Variants in KDM5A observed in about 807,000 individuals in gnomAD.
KDM5A encodes lysine demethylase 5A.
In KDM5A, 42 loss-of-function variants were observed where a neutral mutation model predicts 193.5. The observed-to-expected ratio is 0.22, with a 90% CI of 0.17 to 0.28. KDM5A has a LOEUF of 0.28. Among genes scored for constraint, KDM5A ranks in the 10% least tolerant of loss-of-function variants. The pLI is 1.00. For missense variants in KDM5A, 1,692 were observed against 2,055.1 expected (o/e 0.82, Z 3.42); for synonymous variants, 796 against 718.1 (o/e 1.11, Z -1.73).
chr12:300,902 C>G (rs1943433482), intron 24 of KDM5A, among the ~76,000 whole-genome samples: 1 of 152,222 alleles, frequency 6.6e-6, no homozygotes, highest in African/African-American at 2.4e-5. Flanking sequence ...CTATAAACAT[C>G]TCTACCCAAA....
chr12:328,724 G>A, intron 14 of KDM5A, 111 bp downstream of exon 14: 1 of 885,468 alleles, frequency 1.1e-6, no homozygotes, highest in Non-Finnish European at 1.8e-6. Flanking sequence ...CCAAATCAGT[G>A]ATCTTTATGC....
chr12:388,925 A>G lies in KDM5A; in HGVS notation c.165+2T>C, dbSNP rs1591947357. Reference sequence around the variant, plus strand: ...CCCCTCTCTCTTCACAGACTGAGGTACCTTGGGCGGCCGAATTTTGCAGAT... The same window carrying G: ...CCCCTCTCTCTTCACAGACTGAGGTGCCTTGGGCGGCCGAATTTTGCAGAT... On this transcript the variant is annotated splice_donor_variant, in intron 1 of 27. Transcript: ENST00000399788. LOFTEE classifies it high-confidence loss of function. 1 of 1,614,206 alleles carries G rather than the reference A, an allele frequency of 6.2e-7. No homozygotes were observed. Among genetic ancestry groups the G allele is most frequent in the Non-Finnish European group, 8.5e-7 (1 of 1,180,024 alleles).
chr12:307,629 C>CGT lies in KDM5A; in HGVS notation c.3753_3754dup (p.Arg1252HisfsTer4). ...CGCTCTATCTTGCCAACTCATAGCACGTTCTGTCAAACACTGCAGGGCCTC... is the reference window on the plus strand; with the variant it reads ...CGCTCTATCTTGCCAACTCATAGCACGTGTTCTGTCAAACACTGCAGGGCCTC... On this transcript the variant is annotated frameshift_variant, in exon 23 of 28. Coordinates refer to ENST00000399788, the MANE Select transcript of KDM5A (RefSeq NM_001042603.3). LOFTEE classifies it high-confidence loss of function. The surrounding 1 kb of genome is among the most constrained non-coding windows in gnomAD (Gnocchi z 4.3). 6.2e-7 allele frequency: 1 copy of CGT among 1,614,182 alleles called. No individual in the cohort carries two copies. The highest frequency in any genetic ancestry group is 8.5e-7 in the Non-Finnish European group (1 of 1,180,034).
intron 5 of KDM5A, among the ~76,000 whole-genome samples, chr12:360,302 T>G (rs939782350): frequency 6.6e-6 from 1 of 151,390 alleles, no homozygotes; most frequent in Non-Finnish European, 1.5e-5. Flanking sequence ...TTGAGAGTTC[T>G]GAGCATTACA....
At chr12:384,616 A>G (rs1411634165) in intron 2 of KDM5A, among the ~76,000 whole-genome samples, 1 of 152,236 alleles carries the variant, frequency 6.6e-6, no homozygotes, top group Non-Finnish European at 1.5e-5. Context: ...ACTAGCCAAT[A>G]ATAAAGAGGC....
At chr12:294,068 A>C (rs1054823749) in intron 26 of KDM5A, among the ~76,000 whole-genome samples, 1 of 152,160 alleles carries the variant, frequency 6.6e-6, no homozygotes, top group South Asian at 2.1e-4. Context: ...TAATAATAAA[A>C]GTATTGGTAG....
intron 20 of KDM5A, 129 bp from the exon 21 acceptor site, chr12:311,193 C>G: frequency 1.2e-6 from 1 of 809,396 alleles, no homozygotes; most frequent in East Asian, 2.7e-5. Flanking sequence ...GTAATTCCAT[C>G]TCTTGAATTA....
intron 18 of KDM5A, among the ~76,000 whole-genome samples, chr12:320,389 G>A (rs1013942601): frequency 5.9e-5 from 9 of 152,064 alleles, no homozygotes; most frequent in African/African-American, 1.2e-4. Context: ...CCAGCTACTC[G>A]GGAGGCTGAG....
At chr12:378,958 C>CA (rs11364846) in intron 3 of KDM5A, among the ~76,000 whole-genome samples, 5,235 of 106,074 alleles carry the variant, frequency 0.049, 352 homozygotes, top group African/African-American at 0.17. Flanking sequence ...GACTCCATCT[C>CA]AAAAAAAAAA....
chr12:321,586 G>GA (rs1943718012), intron 17 of KDM5A, among the ~76,000 whole-genome samples: 1 of 152,088 alleles, frequency 6.6e-6, no homozygotes, highest in Admixed American at 6.6e-5. Flanking sequence ...ATGTCTCTAA[G>GA]AAAAGTTATC....
At chr12:386,953 GATT>G (rs2137503372) in intron 1 of KDM5A, among the ~76,000 whole-genome samples, 1 of 151,718 alleles carries the variant, frequency 6.6e-6, no homozygotes, top group Non-Finnish European at 1.5e-5. Context: ...TAAAATTTAA[GATT>G]AAAAAGAAAC....
chr12:324,774 G>A (rs968140829), intron 14 of KDM5A, among the ~76,000 whole-genome samples: 2 of 152,024 alleles, frequency 1.3e-5, no homozygotes, highest in Non-Finnish European at 2.9e-5. Context: ...TCAGGAGGCT[G>A]AGACAGGAGA....
intron 24 of KDM5A, among the ~76,000 whole-genome samples, chr12:305,466 T>C (rs1306518010): frequency 1.3e-5 from 2 of 152,152 alleles, no homozygotes; most frequent in Non-Finnish European, 2.9e-5. Flanking sequence ...ATGAGATTAA[T>C]GAGCAGTACC....
rs1943749944 is a variant in KDM5A, at chr12:323,664, G to A, written c.2086C>T (p.Arg696Trp). The A allele has an allele frequency of 2.5e-6, 4 of 1,614,090 alleles. No homozygotes were observed. Among genetic ancestry groups the A allele is most frequent in the African/African-American group, 1.3e-5 (1 of 75,024 alleles). The stretch of plus-strand genomic sequence containing the variant: ...GTTGGATGGTAGAGACATACAAGCC[G>A]CTCAGGATTACAGGAACATGTGAGA... ...SALTCSCNPE[R>W]LVCLYHPTDL... is the part of the protein sequence containing the mutation. The change falls in exon 15 of 28, where the codon CGG (arginine) becomes TGG (tryptophan). Residue 696 changes from arginine (R) to tryptophan (W), a missense_variant. This residue lies in a region of KDM5A where 88 missense variants were observed against 124.6 expected (regional missense o/e 0.71). Coordinates refer to ENST00000399788, the MANE Select transcript of KDM5A (RefSeq NM_001042603.3).
chr12:295,349 A>G (rs961601206), intron 26 of KDM5A, among the ~76,000 whole-genome samples: 7 of 151,552 alleles, frequency 4.6e-5, no homozygotes, highest in Admixed American at 1.3e-4. Context: ...AGAGAGAGAA[A>G]GAAAGAGAAA....
At chr12:299,994 A>T (rs1274807825) in intron 24 of KDM5A, among the ~76,000 whole-genome samples, 1 of 149,880 alleles carries the variant, frequency 6.7e-6, no homozygotes, top group Non-Finnish European at 1.5e-5. Context: ...TAACTATCCT[A>T]AATATATATG....
rs115598955 is a variant in KDM5A at position 359,682 on chromosome 12, C to A, written c.673-3145G>T. Among the ~76,000 whole-genome samples the A allele has an allele frequency of 3.0e-3, 426 of 141,064 alleles. 1 individual carries two copies. Among genetic ancestry groups the A allele is most frequent in the African/African-American group, 0.011 (406 of 37,882 alleles). 92.5% of individuals were successfully genotyped at this position (141,064 alleles called of 152,430 possible). The stretch of plus-strand genomic sequence containing the variant: ...GCTTTAGCCCAGGAGGCAGAGGTTG[C>A]GATTAACCAAGACTGCGCCACTGCA... On this transcript the variant is annotated intron_variant, in intron 5 of 27. Transcript: ENST00000399788.
intron 7 of KDM5A, 70 bp downstream of exon 7, chr12:355,088 T>A (rs3759371): frequency 6.6e-6 from 6 of 910,008 alleles, no homozygotes; most frequent in African/African-American, 3.3e-5. Flanking sequence ...CCATGATATA[T>A]CAGGATAGAA....
chr12:333,685 A>G (rs372860490), intron 11 of KDM5A, 36 bp from the exon 12 acceptor site: 5 of 1,587,364 alleles, frequency 3.1e-6, no homozygotes, highest in Non-Finnish European at 4.3e-6. Context: ...TAGGCAGAAC[A>G]TGGTACCAAT....
Sources: allele counts gnomAD v4.1 joint callset (sites outside exome capture counted in the v4.1 genomes callset), GRCh38; gene constraint gnomAD v4.1.1; regional missense constraint gnomAD v4.1.1; non-coding constraint Gnocchi (gnomAD v3.1); transcripts MANE v1.5; gene names NCBI Gene and HGNC (gene_info 2026-07-23, HGNC 2026-07-21).